FHIT: variants seen among roughly 807,000 people sequenced by gnomAD.
The protein encoded by FHIT is bis(5'-adenosyl)-triphosphatase.
In FHIT, 19 loss-of-function variants were observed where a neutral mutation model predicts 17.9. That is an observed-to-expected ratio of 1.06 (90% confidence interval 0.74 to 1.56). FHIT has a LOEUF of 1.56. Ranked by LOEUF, FHIT falls within the 40% of genes most tolerant of loss-of-function variation. The probability of loss-of-function intolerance (pLI) is 0.00; values close to 1 mark genes in which losing one functional copy is unlikely to be tolerated. For synonymous variants in FHIT, 81 were observed against 69.7 expected (o/e 1.16, Z -0.81); for missense variants, 248 against 189.2 (o/e 1.31, Z -1.82).
rs78195375 is a variant in FHIT, at chr3:61,040,286, G to T, written c.-111+1761C>A. Reference sequence around the variant, plus strand: ...CTAAATCAAGTTTCACAGACCCAGAGAATTCCTCCGCCTTATTTTGTTTTT... The same window carrying T: ...CTAAATCAAGTTTCACAGACCCAGATAATTCCTCCGCCTTATTTTGTTTTT... On this transcript the variant is annotated intron_variant, in intron 3 of 9. Coordinates refer to ENST00000492590, the MANE Select transcript of FHIT (RefSeq NM_002012.4). Among the ~76,000 whole-genome samples, 1,435 of 152,290 alleles carry T rather than the reference G, an allele frequency of 9.4e-3. 18 individuals carry two copies. Among genetic ancestry groups the T allele is most frequent in the African/African-American group, 0.032 (1,322 of 41,542 alleles).
intron 8 of FHIT, among the ~76,000 whole-genome samples, chr3:59,866,214 A>G (rs541206951): frequency 3.9e-5 from 6 of 152,160 alleles, no homozygotes; most frequent in African/African-American, 1.4e-4. Flanking sequence ...GAGCTGAGTC[A>G]TGAATAAGCA....
At chr3:59,909,590 G>A (rs1045845211) in intron 8 of FHIT, among the ~76,000 whole-genome samples, 1 of 152,096 alleles carries the variant, frequency 6.6e-6, no homozygotes, top group Non-Finnish European at 1.5e-5. Flanking sequence ...TCTATCCCAG[G>A]GAGTATCTTT....
chr3:59,871,792 TAG>T (rs1390729803), intron 8 of FHIT, among the ~76,000 whole-genome samples: 1 of 152,186 alleles, frequency 6.6e-6, no homozygotes, highest in Non-Finnish European at 1.5e-5. Flanking sequence ...GCACTCCACA[TAG>T]AGTTGTTTCT....
In FHIT at chr3:59,748,858, C is replaced by CATCTT. The variant is rs1290701699; in HGVS notation, c.*722_*726dup. On this transcript the variant is annotated 3_prime_UTR_variant, in exon 10 of 10. Coordinates refer to ENST00000492590, the MANE Select transcript of FHIT (RefSeq NM_002012.4). ...CAAGACAGGATAATAACAGGGTCTA[C>CATCTT]ATCTTATAAATTCTTAGCAAGTGTG... is the stretch of plus-strand genomic sequence containing the variant. Among the ~76,000 whole-genome samples the CATCTT allele has an allele frequency of 1.2e-4, 19 of 152,272 alleles. No homozygotes were observed. Among genetic ancestry groups the CATCTT allele is most frequent in the Non-Finnish European group, 7.4e-5 (5 of 68,000 alleles).
At chr3:59,846,197 T>G (rs963380262) in intron 8 of FHIT, among the ~76,000 whole-genome samples, 1 of 152,142 alleles carries the variant, frequency 6.6e-6, no homozygotes, top group African/African-American at 2.4e-5. Context: ...TTCTTTTGTG[T>G]TTGGTTGATT....
At chr3:60,631,659 C>A (rs1282644256) in intron 4 of FHIT, among the ~76,000 whole-genome samples, 5 of 152,180 alleles carry the variant, frequency 3.3e-5, no homozygotes, top group Non-Finnish European at 7.4e-5. Context: ...AATTCAGAGT[C>A]TCAAAGAAAT....
chr3:60,629,018 A>G (rs2039370117), intron 4 of FHIT, among the ~76,000 whole-genome samples: 2 of 152,136 alleles, frequency 1.3e-5, no homozygotes, highest in Non-Finnish European at 2.9e-5. Flanking sequence ...GGGCCTCAAT[A>G]TTCTCAGCCT....
intron 8 of FHIT, among the ~76,000 whole-genome samples, chr3:59,820,661 A>G (rs1700755645): frequency 6.6e-6 from 1 of 152,164 alleles, no homozygotes; most frequent in Non-Finnish European, 1.5e-5. Context: ...CAGAGATCTC[A>G]TGACTCACAA....
rs1040919571 is a variant in FHIT at position 59,747,413 on chromosome 3, A to G, written c.*2172T>C. ...GTCCTTTATAAAACCATCACTATCAATCATGAGAACAGCATGGGAAAGACC... is the reference window on the plus strand; with the variant it reads ...GTCCTTTATAAAACCATCACTATCAGTCATGAGAACAGCATGGGAAAGACC... On this transcript the variant is annotated 3_prime_UTR_variant, in exon 10 of 10. Transcript: ENST00000492590. Among the ~76,000 whole-genome samples, 7 of 152,090 alleles carry G rather than the reference A, an allele frequency of 4.6e-5. No individual in the cohort carries two copies. Among genetic ancestry groups the G allele is most frequent in the African/African-American group, 9.7e-5 (4 of 41,430 alleles).
At chr3:60,954,731 A>G (rs1190383635) in intron 3 of FHIT, among the ~76,000 whole-genome samples, 1 of 152,310 alleles carries the variant, frequency 6.6e-6, no homozygotes, top group East Asian at 1.9e-4. Flanking sequence ...ATACCCAGAT[A>G]ATCAAGATAG....
intron 9 of FHIT, chr3:59,750,674 A>C (rs1176661879): frequency 4.6e-6 from 1 of 219,610 alleles, no homozygotes; most frequent in Non-Finnish European, 9.1e-6. Flanking sequence ...TCTGAGTACA[A>C]CACCATATTT....
chr3:60,722,379 A>T (rs1348967552), intron 4 of FHIT, among the ~76,000 whole-genome samples: 1 of 152,220 alleles, frequency 6.6e-6, no homozygotes, highest in Non-Finnish European at 1.5e-5. Context: ...TGGGGCAGGC[A>T]TAAAAGGTGA....
At chr3:60,287,443 A>G (rs1707777773) in intron 5 of FHIT, among the ~76,000 whole-genome samples, 1 of 152,212 alleles carries the variant, frequency 6.6e-6, no homozygotes, top group South Asian at 2.1e-4. Flanking sequence ...TGCTGGGATT[A>G]CAGGCATGAG....
chr3:60,800,571 G>C (rs1701151505), intron 4 of FHIT, among the ~76,000 whole-genome samples: 1 of 152,134 alleles, frequency 6.6e-6, no homozygotes, highest in Non-Finnish European at 1.5e-5. Flanking sequence ...GAGTAAAACA[G>C]GGGAAAAGGG....
At chr3:61,133,031 T>C (rs2036810514) in intron 2 of FHIT, among the ~76,000 whole-genome samples, 1 of 152,158 alleles carries the variant, frequency 6.6e-6, no homozygotes, top group African/African-American at 2.4e-5. Context: ...GCGACTATAG[T>C]GCATAGTGAT....
intron 4 of FHIT, among the ~76,000 whole-genome samples, chr3:60,568,935 T>G (rs941275222): frequency 6.6e-6 from 1 of 152,186 alleles, no homozygotes; most frequent in East Asian, 1.9e-4. Context: ...TTGAATATTT[T>G]TTCAAGAAAA....
intron 4 of FHIT, among the ~76,000 whole-genome samples, chr3:60,648,794 G>T (rs1042040942): frequency 6.6e-6 from 1 of 152,172 alleles, no homozygotes; most frequent in Non-Finnish European, 1.5e-5. Context: ...TCCTAAAGGC[G>T]TTTGCGCCTG....
At chr3:60,876,547 A>G (rs1353671653) in intron 3 of FHIT, among the ~76,000 whole-genome samples, 1 of 152,242 alleles carries the variant, frequency 6.6e-6, no homozygotes, top group East Asian at 1.9e-4. Context: ...TTACAAAGAA[A>G]GTAAAATTGT....
At chr3:60,732,555 C>A in intron 4 of FHIT, 1 of 636,390 alleles carries the variant, frequency 1.6e-6, no homozygotes, top group Non-Finnish European at 3.1e-6. Context: ...TTTGGAACCT[C>A]GTCTGCAAAC....
Sources: allele counts gnomAD v4.1 joint callset (sites outside exome capture counted in the v4.1 genomes callset), GRCh38; gene constraint gnomAD v4.1.1; transcripts MANE v1.5; gene names NCBI Gene and HGNC (gene_info 2026-07-23, HGNC 2026-07-21).